Variants in RFC4 observed in about 807,000 individuals in gnomAD.
RFC4 encodes the protein replication factor C subunit 4.
A neutral mutation model predicts 47.6 loss-of-function variants in RFC4; 38 were observed. The ratio of observed to expected loss-of-function variants is 0.80; its 90% CI spans 0.62 to 1.05. The LOEUF (loss-of-function observed/expected upper bound fraction) is 1.05, where lower values mean the gene tolerates loss of function less well. Ranked by LOEUF, RFC4 falls within the 50% of genes least tolerant of loss-of-function variation. The probability of loss-of-function intolerance (pLI) is 0.00; values close to 1 mark genes in which losing one functional copy is unlikely to be tolerated. For missense variants in RFC4, 489 were observed against 434.0 expected, an observed-to-expected ratio of 1.13 and a Z score of -1.13; for synonymous variants, 164 against 150.0, an observed-to-expected ratio of 1.09 and a Z score of -0.68.
intron 2 of RFC4, among the ~76,000 whole-genome samples, chr3:186,801,882 G>A (rs1228285417): frequency 1.3e-5 from 2 of 151,356 alleles, no homozygotes; most frequent in African/African-American, 4.9e-5. Flanking sequence ...AATTAGCCGG[G>A]CATGGTGGTG....
At position 186,791,807 on chromosome 3, in the gene RFC4, T is replaced by A; in HGVS notation, c.719A>T (p.Lys240Ile). ...AGCGCTTTGAAGAAATGTAATGGCT[T>A]TTCTTAAGTCTCCTTCTGACACTTT... ...LVKVSEGDLR[K>I]AITFLQSATR... The change falls in exon 8 of 11, where the codon AAA becomes ATA. Residue 240 changes from lysine (K) to isoleucine (I), a missense_variant. Lys to Ile is a moderately radical substitution (Grantham distance 102, BLOSUM62 -3). Coordinates refer to ENST00000296273, the MANE Select transcript of RFC4 (RefSeq NM_002916.5). The A allele has an allele frequency of 1.2e-6, 2 of 1,612,302 alleles. No individual in the cohort carries two copies. Among genetic ancestry groups the A allele is most frequent in the Non-Finnish European group, 1.7e-6 (2 of 1,178,380 alleles).
intron 4 of RFC4, 106 bp downstream of exon 4, chr3:186,797,429 T>G (rs530201315): frequency 1.4e-6 from 1 of 732,102 alleles, no homozygotes; most frequent in East Asian, 2.6e-5. Flanking sequence ...AATAGAAAAC[T>G]ATCCTACAGA....
chr3:186,798,393 C>T (rs1316743052), intron 3 of RFC4, among the ~76,000 whole-genome samples: 1 of 152,156 alleles, frequency 6.6e-6, no homozygotes, highest in African/African-American at 2.4e-5. Flanking sequence ...TGTCCTGTCA[C>T]ATAAGGAAAT....
chr3:186,792,738 T>A, intron 6 of RFC4, 66 bp downstream of exon 6: 1 of 1,558,214 alleles, frequency 6.4e-7, no homozygotes, highest in Non-Finnish European at 8.7e-7. Context: ...ATCCTAAATT[T>A]CCTTTCCCTA....
In RFC4 at chr3:186,806,475, C is replaced by A. The variant is rs934899898; in HGVS notation, c.-197G>T. 2.1e-4 allele frequency: 32 copies of A among 152,302 alleles called. 1 individual carries two copies. The highest frequency in any genetic ancestry group is 1.8e-3 in the Admixed American group (28 of 15,304). The allele number at this position is 152,302 out of a possible 1,614,324, so 9.4% of individuals were successfully genotyped here. On this transcript the variant is annotated 5_prime_UTR_variant, in exon 1 of 11. Transcript: ENST00000296273. ...TCAGTTCCCGCCACGGAACGGCGGG[C>A]GAAAAGCAGGGCGGGAATACGCCGG...
At position 186,796,077 on chromosome 3, in the gene RFC4, G is replaced by GT. The variant is rs1222779748; in HGVS notation, c.291-1301dup. Among the ~76,000 whole-genome samples, 2 of 151,660 alleles carry GT rather than the reference G, an allele frequency of 1.3e-5. No homozygotes were observed. The highest frequency in any genetic ancestry group is 2.9e-5 in the Non-Finnish European group (2 of 67,930). ...CACATTTAAATAAAAAACAAGAGTT[G>GT]TGATTTAGTTTCATCTCTATTTTTC... On this transcript the variant is annotated intron_variant, in intron 4 of 10. Coordinates refer to ENST00000296273, the MANE Select transcript of RFC4 (RefSeq NM_002916.5). This position sits in a 1 kb window ranked among gnomAD's most constrained non-coding sequence, Gnocchi z 4.2.
chr3:186,802,702 A>C (rs1023578434), intron 2 of RFC4, among the ~76,000 whole-genome samples: 7 of 152,220 alleles, frequency 4.6e-5, no homozygotes, highest in African/African-American at 1.7e-4. Flanking sequence ...CTTTTCGATA[A>C]ATCAGGTTAA....
rs1194221163 is a variant in RFC4, at chr3:186,796,134, G to A, written c.291-1357C>T. The stretch of plus-strand genomic sequence containing the variant: ...AGCATGGTATCCTAAGCATGTTTAT[G>A]GACATAAACATTTACATGCATCTAT... On this transcript the variant is annotated intron_variant, in intron 4 of 10. Transcript: ENST00000296273. The surrounding 1 kb of genome is among the most constrained non-coding windows in gnomAD (Gnocchi z 4.2). 6.6e-6 allele frequency among the ~76,000 whole-genome samples: 1 copy of A among 151,804 alleles called. No homozygotes were observed. Among genetic ancestry groups the A allele is most frequent in the Non-Finnish European group, 1.5e-5 (1 of 67,970 alleles).
chr3:186,804,739 G>C lies in RFC4; in HGVS notation c.-11-15C>G, dbSNP rs758720153. ...GGTACTTCACCCTGGTCAGGTGCAA[G>C]ACAGAAAAAAAAAGCTTTTATTGAA... is the stretch of plus-strand genomic sequence containing the variant. On this transcript the variant is annotated splice_polypyrimidine_tract_variant and intron_variant, in intron 1 of 10. Transcript: ENST00000296273. 18 of 1,579,976 alleles carry C rather than the reference G, an allele frequency of 1.1e-5. No individual in the cohort carries two copies. The Admixed American group carries it at 3.2e-4, about 28-fold the overall frequency.
Position 186,790,061 on chromosome 3 carries a change from C to T in RFC4, c.1000G>A (p.Val334Ile), listed in dbSNP as rs201232689. Residue 334 changes from valine to isoleucine, a missense_variant, in exon 11 of 11, where the codon GTT becomes ATT. By Grantham distance (29) the Val-to-Ile change is conservative. Around this residue, in one of 2 missense-constraint regions of RFC4, gnomAD observed 283 missense variants for 176.2 expected, o/e 1.61. Coordinates refer to ENST00000296273, the MANE Select transcript of RFC4 (RefSeq NM_002916.5). The part of the protein sequence containing the change: ...KSIITEKLAE[V>I]DKCLADGADE... ...GCACCATCTGCTAGGCATTTGTCAA[C>T]TTCCTACGAGAAAAATTTAAGAAAT... 1.0e-4 allele frequency: 169 copies of T among 1,613,304 alleles called. No individual in the cohort carries two copies. The highest frequency in any genetic ancestry group is 1.4e-4 in the Non-Finnish European group (160 of 1,179,322).
chr3:186,791,768 C>T lies in RFC4; in HGVS notation c.758G>A (p.Gly253Asp), dbSNP rs762608176. 3.7e-6 allele frequency: 6 copies of T among 1,611,896 alleles called. No homozygotes were observed. Among genetic ancestry groups the T allele is most frequent in the East Asian group, 2.2e-5 (1 of 44,852 alleles). Residue 253 changes from glycine to aspartate, a missense_variant, in exon 8 of 11, where the codon GGT becomes GAT. By Grantham distance (94) the Gly-to-Asp change is moderately conservative. Transcript: ENST00000296273. ...TFLQSATRLTGGKEITEKVIT... is the reference protein window; with the variant it reads ...TFLQSATRLTDGKEITEKVIT... ...CACTTTCTCTGTGATCTCCTTTCCA[C>T]CTGTTAATCGAGTAGCGCTTTGAAG...
chr3:186,791,856 G>A lies in RFC4; in HGVS notation c.676-6C>T, dbSNP rs769511141. 4 of 1,609,488 alleles carry A rather than the reference G, an allele frequency of 2.5e-6. No homozygotes were observed. Among genetic ancestry groups the A allele is most frequent in the Non-Finnish European group, 3.4e-6 (4 of 1,177,142 alleles). ...TTAACAAGATAAGCTATTCCCTGAA[G>A]AGAAAAGAGTTGTTTTTAACCTATG... On this transcript the variant is annotated splice_region_variant and splice_polypyrimidine_tract_variant and intron_variant, in intron 7 of 10. Coordinates refer to ENST00000296273, the MANE Select transcript of RFC4 (RefSeq NM_002916.5).
intron 1 of RFC4, 174 bp from the exon 2 acceptor site, chr3:186,804,898 G>C: frequency 1.7e-6 from 1 of 586,062 alleles, no homozygotes; most frequent in Non-Finnish European, 3.0e-6. Flanking sequence ...CCATGACCTA[G>C]GACACTCTGA....
At position 186,806,327 on chromosome 3, in the gene RFC4, G is replaced by C. The variant is rs1018788925; in HGVS notation, c.-49C>G. The C allele has an allele frequency of 5.3e-5, 8 of 152,278 alleles. No individual in the cohort carries two copies. Among genetic ancestry groups the C allele is most frequent in the Admixed American group, 2.0e-4 (3 of 15,280 alleles). 9.4% of individuals were successfully genotyped at this position (152,278 alleles called of 1,614,324 possible). ...CTTCTCGTGCAGGTCACCGCCGCCG[G>C]CTCGTTCCTCAGGTTTCCGCGATAC... is the stretch of plus-strand genomic sequence containing the variant. On this transcript the variant is annotated 5_prime_UTR_variant, in exon 1 of 11. Transcript: ENST00000296273.
chr3:186,806,454 T>A lies in RFC4; in HGVS notation c.-176A>T, dbSNP rs1187823511. ...ACTGATGTCCCCACAGTCGCCTCAG[T>A]TCCCGCCACGGAACGGCGGGCGAAA... On this transcript the variant is annotated 5_prime_UTR_variant, in exon 1 of 11. Transcript: ENST00000296273. 1.3e-5 allele frequency: 2 copies of A among 152,228 alleles called. No individual in the cohort carries two copies. Among genetic ancestry groups the A allele is most frequent in the Non-Finnish European group, 2.9e-5 (2 of 68,050 alleles). 9.4% of individuals were successfully genotyped at this position (152,228 alleles called of 1,614,324 possible).
At position 186,796,026 on chromosome 3, in the gene RFC4, T is replaced by TAC. The variant is rs3082241; in HGVS notation, c.291-1251_291-1250dup. On this transcript the variant is annotated intron_variant, in intron 4 of 10. Coordinates refer to ENST00000296273, the MANE Select transcript of RFC4 (RefSeq NM_002916.5). The surrounding 1 kb of genome is among the most constrained non-coding windows in gnomAD (Gnocchi z 4.2). ...TTTTTGAAACTTCCCTCTAGTCTTT[T>TAC]ACACACACACACACACACACACACA... Among the ~76,000 whole-genome samples the TAC allele has an allele frequency of 0.036, 5,308 of 149,156 alleles. 138 individuals are homozygous for TAC. The highest frequency in any genetic ancestry group is 0.095 in the East Asian group (484 of 5,084).
At position 186,804,366 on chromosome 3, in the gene RFC4, TCA is replaced by T. The variant is rs535446010; in HGVS notation, c.131+215_131+216del. ...ATGGAAGCCTCTGCTTGTAGAGATC[TCA>T]GTTTATCTACAAAATAAGGGAGTTA... is the stretch of plus-strand genomic sequence containing the variant. On this transcript the variant is annotated intron_variant, in intron 2 of 10. Transcript: ENST00000296273. Among the ~76,000 whole-genome samples the T allele has an allele frequency of 2.6e-5, 4 of 152,202 alleles. No individual in the cohort carries two copies. In the South Asian group the frequency reaches 6.2e-4, roughly 24 times the overall value.
chr3:186,804,835 C>T (rs919703742), intron 1 of RFC4, 111 bp from the exon 2 acceptor site: 4 of 1,019,748 alleles, frequency 3.9e-6, no homozygotes, highest in Non-Finnish European at 5.8e-6. Flanking sequence ...AAAGTACAGC[C>T]CGAAAATAAA....
At chr3:186,797,884 T>C (rs574696002) in intron 3 of RFC4, among the ~76,000 whole-genome samples, 3 of 152,280 alleles carry the variant, frequency 2.0e-5, no homozygotes, top group East Asian at 3.9e-4. Flanking sequence ...CTAATCCACT[T>C]AGGTGAAATT....
Sources: gnomAD v4.1 joint callset for allele counts (sites outside exome capture counted in the v4.1 genomes callset) on GRCh38, gnomAD v4.1.1 for gene constraint, gnomAD v4.1.1 regional missense constraint, Gnocchi (gnomAD v3.1) non-coding constraint, MANE v1.5 for transcripts, NCBI Gene and HGNC (gene_info 2026-07-23, HGNC 2026-07-21) for gene names.